The following MAML2 variants were observed in gnomAD, a reference collection of about 807,000 sequenced individuals.
MAML2 encodes the protein mastermind-like protein 2.
Under a neutral mutation model 96.1 loss-of-function variants are expected in MAML2, and 22 were observed. The ratio of observed to expected loss-of-function variants is 0.23; its 90% CI spans 0.16 to 0.33. The LOEUF is 0.33. MAML2 is among the 10% of genes least tolerant of loss of function. The pLI, the probability that MAML2 is intolerant of heterozygous loss-of-function variation, is 1.00. For synonymous variants in MAML2, 561 were observed against 521.3 expected (o/e 1.08, Z -1.04); for missense variants, 1,367 against 1,392.4 (o/e 0.98, Z 0.29).
intron 2 of MAML2, among the ~76,000 whole-genome samples, chr11:95,991,931 T>C (rs16922803): frequency 0.076 from 11,554 of 152,210 alleles, 478 homozygotes; most frequent in South Asian, 0.13. Flanking sequence ...TTAATGACAT[T>C]AGGGCACTGG....
intron 1 of MAML2, among the ~76,000 whole-genome samples, chr11:96,098,512 C>T (rs994048757): frequency 6.6e-6 from 1 of 152,208 alleles, no homozygotes; most frequent in South Asian, 2.1e-4. Flanking sequence ...TTTCACTGGC[C>T]ATCCGAGGAA....
chr11:96,088,199 T>C (rs1859649522), intron 2 of MAML2, among the ~76,000 whole-genome samples: 1 of 152,212 alleles, frequency 6.6e-6, no homozygotes, highest in Non-Finnish European at 1.5e-5. Flanking sequence ...AACTTGGCTT[T>C]AAACTAAGGA....
intron 1 of MAML2, among the ~76,000 whole-genome samples, chr11:96,318,786 C>T (rs1014369826): frequency 5.3e-5 from 8 of 152,156 alleles, no homozygotes; most frequent in Non-Finnish European, 1.2e-4. Context: ...TCATTGAATA[C>T]CTATGAAATT....
chr11:96,098,184 T>C (rs73523564), intron 1 of MAML2, among the ~76,000 whole-genome samples: 1 of 152,060 alleles, frequency 6.6e-6, no homozygotes, highest in South Asian at 2.1e-4. Context: ...GGGAGGTTGA[T>C]GGTGAAAGTT....
intron 1 of MAML2, among the ~76,000 whole-genome samples, chr11:96,148,335 A>G (rs1860853178): frequency 6.6e-6 from 1 of 152,164 alleles, no homozygotes; most frequent in Non-Finnish European, 1.5e-5. Flanking sequence ...TTTGTCAGGC[A>G]TGCAGCTCTG....
chr11:96,110,879 C>T (rs1327450937), intron 1 of MAML2, among the ~76,000 whole-genome samples: 1 of 152,154 alleles, frequency 6.6e-6, no homozygotes, highest in Non-Finnish European at 1.5e-5. Context: ...TTCAAAGCAT[C>T]AGGATTGGGT....
intron 1 of MAML2, among the ~76,000 whole-genome samples, chr11:96,240,426 T>C (rs913696620): frequency 6.6e-6 from 1 of 150,994 alleles, no homozygotes; most frequent in Admixed American, 6.6e-5. Context: ...GGCGGGCGCC[T>C]GTAGTCCCAG....
chr11:96,333,356 A>T (rs1225884674), intron 1 of MAML2, among the ~76,000 whole-genome samples: 1 of 152,000 alleles, frequency 6.6e-6, no homozygotes, highest in Admixed American at 6.6e-5. Context: ...AGTAAGCGAA[A>T]AAAAAAAAAG....
At chr11:96,319,310 A>G (rs1409554614) in intron 1 of MAML2, among the ~76,000 whole-genome samples, 1 of 152,206 alleles carries the variant, frequency 6.6e-6, no homozygotes, top group Non-Finnish European at 1.5e-5. Flanking sequence ...CTCATGAGAG[A>G]TCCTGAGCTA....
At chr11:96,172,213 T>C (rs1356289374) in intron 1 of MAML2, among the ~76,000 whole-genome samples, 2 of 152,248 alleles carry the variant, frequency 1.3e-5, no homozygotes, top group African/African-American at 4.8e-5. Context: ...AAAACCTCAT[T>C]GCAGGCCATT....
At chr11:96,080,081 G>T (rs959510902) in intron 2 of MAML2, among the ~76,000 whole-genome samples, 1 of 152,198 alleles carries the variant, frequency 6.6e-6, no homozygotes, top group Admixed American at 6.5e-5. Context: ...ACAGTGTACT[G>T]CTTATCTCAG....
intron 1 of MAML2, among the ~76,000 whole-genome samples, chr11:96,097,137 C>T (rs1859845004): frequency 6.6e-6 from 1 of 152,168 alleles, no homozygotes. Flanking sequence ...GACTAAAATT[C>T]TTTCATTAGA....
At chr11:96,329,420 A>G (rs922604481) in intron 1 of MAML2, among the ~76,000 whole-genome samples, 3 of 152,204 alleles carry the variant, frequency 2.0e-5, no homozygotes, top group African/African-American at 7.2e-5. Flanking sequence ...GCTACAAAAC[A>G]TTGCCAATTT....
intron 1 of MAML2, among the ~76,000 whole-genome samples, chr11:96,166,737 CA>C (rs1861201343): frequency 6.6e-6 from 1 of 152,210 alleles, no homozygotes; most frequent in African/African-American, 2.4e-5. Context: ...TTTTAGGTTT[CA>C]GCCTATCTAG....
chr11:96,288,393 T>A (rs1244688685), intron 1 of MAML2, among the ~76,000 whole-genome samples: 1 of 151,876 alleles, frequency 6.6e-6, no homozygotes, highest in Non-Finnish European at 1.5e-5. Flanking sequence ...AATACAAAAA[T>A]TAGCTGGACA....
intron 2 of MAML2, among the ~76,000 whole-genome samples, chr11:95,998,969 T>A (rs529517407): frequency 6.6e-6 from 1 of 152,168 alleles, no homozygotes; most frequent in Non-Finnish European, 1.5e-5. Context: ...GGAGAACACA[T>A]GAACTCTTTT....
intron 2 of MAML2, among the ~76,000 whole-genome samples, chr11:96,062,261 C>T (rs1767096451): frequency 6.6e-6 from 1 of 152,068 alleles, no homozygotes; most frequent in Non-Finnish European, 1.5e-5. Flanking sequence ...CCTCATATTG[C>T]CCAGACATTA....
chr11:96,174,954 G>T (rs1861359565), intron 1 of MAML2, among the ~76,000 whole-genome samples: 1 of 152,202 alleles, frequency 6.6e-6, no homozygotes, highest in South Asian at 2.1e-4. Flanking sequence ...CTAAGGCATT[G>T]TTTTATAATC....
At chr11:96,055,334 T>C (rs904860884) in intron 2 of MAML2, among the ~76,000 whole-genome samples, 1 of 152,166 alleles carries the variant, frequency 6.6e-6, no homozygotes, top group African/African-American at 2.4e-5. Flanking sequence ...ATTACTTTAA[T>C]TGCTTTCAGC....
Sources: allele counts gnomAD v4.1 joint callset (sites outside exome capture counted in the v4.1 genomes callset), GRCh38; gene constraint gnomAD v4.1.1; transcripts MANE v1.5; gene names NCBI Gene and HGNC (gene_info 2026-07-23, HGNC 2026-07-21).